Variants in GPHN observed in about 807,000 individuals in gnomAD.
GPHN encodes gephyrin.
A neutral mutation model predicts 95.5 loss-of-function variants in GPHN; 17 were observed. The observed-to-expected ratio is 0.18, with a 90% confidence interval of 0.12 to 0.27. The LOEUF is 0.27. Ranked by LOEUF, GPHN falls within the 10% of genes least tolerant of loss-of-function variation. The probability of loss-of-function intolerance (pLI) is 1.00; values close to 1 mark genes in which losing one functional copy is unlikely to be tolerated. For missense variants in GPHN, 660 were observed against 978.1 expected (o/e 0.67, Z 4.34); for synonymous variants, 320 against 322.5 (o/e 0.99, Z 0.08).
At chr14:67,574,353 G>A in the GPHN span, 5 of 1,595,846 alleles carry the variant, frequency 3.1e-6, no homozygotes, top group Non-Finnish European at 4.3e-6. The surrounding 1 kb of genome is among the most constrained non-coding windows in gnomAD (Gnocchi z 4.2). Context: ...CGGGCCTCCA[G>A]CTCTGCTTCG....
intron 1 of GPHN, among the ~76,000 whole-genome samples, chr14:66,533,045 G>A (rs976024547): frequency 6.6e-6 from 1 of 152,142 alleles, no homozygotes; most frequent in African/African-American, 2.4e-5. Flanking sequence ...TGTAGTCGCC[G>A]AATAGTCAGT....
At chr14:66,958,567 C>T (rs1371670090) in intron 8 of GPHN, among the ~76,000 whole-genome samples, 2 of 152,170 alleles carry the variant, frequency 1.3e-5, no homozygotes, top group African/African-American at 2.4e-5. Flanking sequence ...TGTTCCTAGT[C>T]CTAGGCTGCA....
intron 10 of GPHN, among the ~76,000 whole-genome samples, chr14:67,024,681 CA>C (rs1431080456): frequency 6.6e-6 from 1 of 152,168 alleles, no homozygotes; most frequent in African/African-American, 2.4e-5. Context: ...GCCATATGGA[CA>C]TTGCTTATTT....
At chr14:66,789,939 A>G (rs1433996452) in intron 3 of GPHN, among the ~76,000 whole-genome samples, 1 of 152,208 alleles carries the variant, frequency 6.6e-6, no homozygotes, top group African/African-American at 2.4e-5. Flanking sequence ...GATATCCCAA[A>G]AAATAAAAAA....
the GPHN span, among the ~76,000 whole-genome samples, chr14:67,701,425 C>CTT: frequency 5.6e-4 from 40 of 71,114 alleles, 1 homozygote; most frequent in African/African-American, 1.1e-3. Context: ...ATTATAATTT[C>CTT]TTTTTTTTTT....
At chr14:67,585,710 T>C in the GPHN span, 1 of 1,309,110 alleles carries the variant, frequency 7.6e-7, no homozygotes, top group Non-Finnish European at 1.1e-6. Flanking sequence ...CATGGTCTTT[T>C]CTTCTCCTCT....
chr14:66,805,321 T>C (rs878867638), intron 3 of GPHN, among the ~76,000 whole-genome samples: 2 of 152,112 alleles, frequency 1.3e-5, no homozygotes, highest in African/African-American at 2.4e-5. Context: ...TCCCACAACA[T>C]GGGGGAATTC....
At chr14:67,497,539 A>C in the GPHN span, among the ~76,000 whole-genome samples, 5 of 152,158 alleles carry the variant, frequency 3.3e-5, no homozygotes, top group Admixed American at 2.6e-4. Context: ...ACTCTCCCAC[A>C]TGACTTTGGA....
chr14:67,585,813 T>C, the GPHN span: 2 of 1,054,050 alleles, frequency 1.9e-6, no homozygotes, highest in Admixed American at 2.2e-5. Context: ...TGCTTGTAGA[T>C]ATTCAAGATG....
At chr14:67,110,383 C>T in intron 14 of GPHN, 124 bp downstream of exon 14, 1 of 955,130 alleles carries the variant, frequency 1.0e-6, no homozygotes, top group Non-Finnish European at 1.7e-6. Context: ...TTTGTTTTTG[C>T]TTATGGTGGG....
rs776988756 is a variant in GPHN at position 67,110,182 on chromosome 14, A to G, written c.1336A>G (p.Thr446Ala). The G allele has an allele frequency of 2.4e-5, 38 of 1,612,650 alleles. 3 individuals carry two copies. In the Middle Eastern group the frequency reaches 4.9e-4, roughly 21 times the overall value. The change falls in exon 14 of 23, where the codon ACA becomes GCA. Residue 446 changes from threonine to alanine, a missense_variant. This residue lies in a region of GPHN where 257 missense variants were observed against 376.2 expected (regional missense o/e 0.68). Coordinates refer to ENST00000478722, the MANE Select transcript of GPHN (RefSeq NM_020806.5). Reference protein sequence around the residue: ...VMPGQVMRVTTGAPIPCGADA... With the variant: ...VMPGQVMRVTAGAPIPCGADA... ...GCCAGGACAAGTCATGCGGGTTACA[A>G]CAGGTGCTCCAATACCCTGCGGTGC...
At chr14:67,622,833 C>T in the GPHN span, among the ~76,000 whole-genome samples, 1 of 152,224 alleles carries the variant, frequency 6.6e-6, no homozygotes, top group East Asian at 1.9e-4. Context: ...GTTTCAGCCT[C>T]TTCTGGAGGA....
the GPHN span, among the ~76,000 whole-genome samples, chr14:67,636,272 A>AAC: frequency 3.3e-3 from 497 of 151,814 alleles, 19 homozygotes; most frequent in East Asian, 0.083. Context: ...AAAAAAAAAA[A>AAC]CCCAAAAAAC....
intron 1 of GPHN, among the ~76,000 whole-genome samples, chr14:66,588,061 G>A (rs187837544): frequency 6.6e-5 from 10 of 152,330 alleles, no homozygotes; most frequent in Non-Finnish European, 4.4e-5. Context: ...AATCTTTGCT[G>A]TTCTGCAGCC....
At chr14:67,293,623 T>C in the GPHN span, among the ~76,000 whole-genome samples, 1 of 152,144 alleles carries the variant, frequency 6.6e-6, no homozygotes, top group African/African-American at 2.4e-5. Flanking sequence ...CTTACGGAGA[T>C]TGAAATAACA....
intron 5 of GPHN, among the ~76,000 whole-genome samples, chr14:66,905,655 G>A (rs1291871017): frequency 6.6e-6 from 1 of 152,018 alleles, no homozygotes; most frequent in East Asian, 1.9e-4. Context: ...GAGGTTTGTG[G>A]TACAAATGAT....
At chr14:67,396,828 C>G in the GPHN span, among the ~76,000 whole-genome samples, 9 of 152,386 alleles carry the variant, frequency 5.9e-5, 1 homozygote, top group Middle Eastern at 3.4e-3. Flanking sequence ...CTTGCTTTCC[C>G]AATAAAATCA....
the GPHN span, among the ~76,000 whole-genome samples, chr14:67,565,149 G>C: frequency 1.3e-5 from 2 of 152,148 alleles, no homozygotes; most frequent in African/African-American, 4.8e-5. Context: ...AGTAAGGTGT[G>C]GTTTCTCCCT....
chr14:67,277,756 C>G, the GPHN span, among the ~76,000 whole-genome samples: 5 of 152,042 alleles, frequency 3.3e-5, no homozygotes, highest in Non-Finnish European at 5.9e-5. Context: ...AAAATAGAAT[C>G]AAGTTAATAC....
Sources: allele counts gnomAD v4.1 joint callset (sites outside exome capture counted in the v4.1 genomes callset), GRCh38; gene constraint gnomAD v4.1.1; regional missense constraint gnomAD v4.1.1; non-coding constraint Gnocchi (gnomAD v3.1); transcripts MANE v1.5; gene names NCBI Gene and HGNC (gene_info 2026-07-23, HGNC 2026-07-21).